The following SV2C variants were observed in gnomAD, a reference collection of about 807,000 sequenced individuals.
The protein encoded by SV2C is solute carrier family 22 member B3.
A neutral mutation model predicts 79.7 loss-of-function variants in SV2C; 49 were observed. That is an observed-to-expected ratio of 0.61 (90% CI 0.49 to 0.78). The LOEUF (loss-of-function observed/expected upper bound fraction) is 0.78, where lower values mean the gene tolerates loss of function less well. SV2C is among the 30% of genes least tolerant of loss of function. The pLI is 0.00. For synonymous variants in SV2C, 334 were observed against 333.2 expected (o/e 1.00, Z -0.03); for missense variants, 833 against 912.9 (o/e 0.91, Z 1.13).
chr5:75,916,422 C>T, the SV2C span, among the ~76,000 whole-genome samples: 1 of 147,744 alleles, frequency 6.8e-6, no homozygotes, highest in Admixed American at 6.7e-5. Flanking sequence ...CCTCCACCTC[C>T]TCTTCTTCCT....
intron 2 of SV2C, among the ~76,000 whole-genome samples, chr5:76,193,359 T>C (rs147590693): frequency 6.6e-6 from 1 of 152,092 alleles, no homozygotes; most frequent in Non-Finnish European, 1.5e-5. Flanking sequence ...TAGGGGGCAG[T>C]AGGAATCTTG....
the SV2C span, among the ~76,000 whole-genome samples, chr5:76,016,644 G>A: frequency 6.6e-6 from 1 of 152,142 alleles, no homozygotes; most frequent in Non-Finnish European, 1.5e-5. Flanking sequence ...CAGGGTTTGT[G>A]TGATGATGTA....
the SV2C span, among the ~76,000 whole-genome samples, chr5:76,014,367 C>T: frequency 2.0e-5 from 3 of 152,092 alleles, no homozygotes; most frequent in Non-Finnish European, 1.5e-5. Flanking sequence ...GAAAGCCCCA[C>T]TGCAAAATTT....
chr5:76,237,730 CTCAGAA>C (rs1444747555), intron 4 of SV2C, among the ~76,000 whole-genome samples: 1 of 152,018 alleles, frequency 6.6e-6, no homozygotes, highest in Admixed American at 6.6e-5. Context: ...ATCATTCTAC[CTCAGAA>C]TGTTTGAAGA....
chr5:76,153,139 T>G (rs887970672), intron 2 of SV2C, among the ~76,000 whole-genome samples: 20 of 152,218 alleles, frequency 1.3e-4, no homozygotes, highest in African/African-American at 4.8e-4. Flanking sequence ...CTTGAGCTGC[T>G]CCTATTTTGT....
intron 1 of SV2C, among the ~76,000 whole-genome samples, chr5:76,097,357 ACT>A (rs1747599843): frequency 6.6e-6 from 1 of 152,222 alleles, no homozygotes; most frequent in African/African-American, 2.4e-5. Context: ...TTAAAGTCTT[ACT>A]GAGAGTTGTT....
intron 2 of SV2C, among the ~76,000 whole-genome samples, chr5:76,183,383 A>G (rs1390711713): frequency 1.3e-5 from 2 of 151,664 alleles, no homozygotes; most frequent in African/African-American, 4.8e-5. Context: ...CTATGATCCA[A>G]ACACCTCCCA....
chr5:76,054,706 T>A, the SV2C span, among the ~76,000 whole-genome samples: 8 of 152,368 alleles, frequency 5.3e-5, no homozygotes, highest in South Asian at 1.7e-3. Flanking sequence ...TGAGGTTTTA[T>A]CTCATTGTGG....
At chr5:76,210,659 T>G (rs1021215695) in intron 4 of SV2C, among the ~76,000 whole-genome samples, 2 of 152,200 alleles carry the variant, frequency 1.3e-5, no homozygotes, top group Non-Finnish European at 2.9e-5. Context: ...TATGATTGAT[T>G]ATTAACTCAA....
At chr5:76,277,748 C>A (rs1747065636) in intron 4 of SV2C, among the ~76,000 whole-genome samples, 2 of 147,082 alleles carry the variant, frequency 1.4e-5, no homozygotes, top group African/African-American at 2.6e-5. Context: ...ACCTAGGAGA[C>A]CTGTCTCAAA....
At chr5:75,927,033 T>C in the SV2C span, among the ~76,000 whole-genome samples, 1 of 152,090 alleles carries the variant, frequency 6.6e-6, no homozygotes, top group Non-Finnish European at 1.5e-5. Flanking sequence ...AATATGAAAA[T>C]CTAAGATTCT....
the SV2C span, among the ~76,000 whole-genome samples, chr5:75,864,114 A>G: frequency 6.6e-6 from 1 of 152,222 alleles, no homozygotes. Flanking sequence ...TAAAGGTTTC[A>G]TTAAATAATT....
At chr5:75,965,786 A>T in the SV2C span, among the ~76,000 whole-genome samples, 2 of 152,122 alleles carry the variant, frequency 1.3e-5, no homozygotes, top group Non-Finnish European at 2.9e-5. Context: ...ATACAGGAAG[A>T]TGTATACCAT....
At chr5:76,115,018 A>G (rs1460345442) in intron 1 of SV2C, among the ~76,000 whole-genome samples, 1 of 152,228 alleles carries the variant, frequency 6.6e-6, no homozygotes. Context: ...CAAAGCTAGT[A>G]AGTGCTAAAG....
chr5:76,004,434 T>C, the SV2C span, among the ~76,000 whole-genome samples: 1 of 152,288 alleles, frequency 6.6e-6, no homozygotes, highest in East Asian at 1.9e-4. Context: ...AGGATTATTG[T>C]CAGGATTAGA....
chr5:75,893,165 C>T, the SV2C span, among the ~76,000 whole-genome samples: 20 of 152,064 alleles, frequency 1.3e-4, no homozygotes, highest in African/African-American at 4.3e-4. Flanking sequence ...TTGCATTTCT[C>T]TGATGATTAG....
chr5:76,140,163 T>A (rs1749205902), intron 2 of SV2C, among the ~76,000 whole-genome samples: 1 of 152,198 alleles, frequency 6.6e-6, no homozygotes, highest in Non-Finnish European at 1.5e-5. Context: ...CCAAAATTTA[T>A]TGAGCATCTA....
the SV2C span, among the ~76,000 whole-genome samples, chr5:76,020,413 C>A: frequency 6.6e-6 from 1 of 152,102 alleles, no homozygotes; most frequent in South Asian, 2.1e-4. Flanking sequence ...TCATTCTGTC[C>A]GTGCTCTACT....
At chr5:76,321,874 G>T (rs887809702) in intron 12 of SV2C, among the ~76,000 whole-genome samples, 6 of 151,716 alleles carry the variant, frequency 4.0e-5, no homozygotes. Flanking sequence ...ATATACCTGC[G>T]TATCTTAAAG....
Sources: allele counts gnomAD v4.1 joint callset (sites outside exome capture counted in the v4.1 genomes callset), GRCh38; gene constraint gnomAD v4.1.1; transcripts MANE v1.5; gene names NCBI Gene and HGNC (gene_info 2026-07-23, HGNC 2026-07-21).